The following VWA5B1 variants were observed in gnomAD, a reference collection of about 807,000 sequenced individuals.
VWA5B1 encodes von Willebrand factor A domain containing 5B1.
VWA5B1 carries 115 observed loss-of-function variants against 118.2 expected under a neutral mutation model. That is an observed-to-expected ratio of 0.97 (90% CI 0.84 to 1.14). The LOEUF (loss-of-function observed/expected upper bound fraction) is 1.14, where lower values mean the gene tolerates loss of function less well. Among genes scored for constraint, VWA5B1 ranks in the 50% most tolerant of loss-of-function variants. VWA5B1 has a pLI of 0.00. For missense variants in VWA5B1, 1,596 were observed against 1,603.8 expected (o/e 1.00, Z 0.08); for synonymous variants, 682 against 658.4 (o/e 1.04, Z -0.55).
chr1:20,338,989 G>A (rs1046883355), intron 14 of VWA5B1: 4 of 152,282 alleles, frequency 2.6e-5, no homozygotes, highest in Non-Finnish European at 5.9e-5. Flanking sequence ...GAGAGTTAGA[G>A]AGCCACAGCT....
At chr1:20,336,629 A>C in intron 13 of VWA5B1, 143 bp downstream of exon 13, 1 of 1,011,594 alleles carries the variant, frequency 9.9e-7, no homozygotes, top group East Asian at 3.2e-5. Context: ...GGAAATTGAG[A>C]CTTGGAGAAT....
chr1:20,333,402 G>A (rs1243187164), intron 12 of VWA5B1, among the ~76,000 whole-genome samples: 1 of 152,200 alleles, frequency 6.6e-6, no homozygotes, highest in Non-Finnish European at 1.5e-5. Flanking sequence ...ACTTGAACTC[G>A]GGAGGCGGAG....
At chr1:20,323,304 G>C in intron 7 of VWA5B1, 52 bp from the exon 8 acceptor site, 1 of 1,392,866 alleles carries the variant, frequency 7.2e-7, no homozygotes, top group Non-Finnish European at 9.4e-7. Context: ...TGAGTCCCCA[G>C]GAGTACCTCT....
rs941596550 is a variant in VWA5B1 at position 20,336,497 on chromosome 1, G to A, written c.1942+11G>A. 5.9e-6 allele frequency: 8 copies of A among 1,356,256 alleles called. No homozygotes were observed. Among genetic ancestry groups the A allele is most frequent in the South Asian group, 4.2e-5 (2 of 47,608 alleles). 84.0% of individuals were successfully genotyped at this position (1,356,256 alleles called of 1,614,324 possible). On this transcript the variant is annotated intron_variant, in intron 13 of 21. Coordinates refer to ENST00000289815, the MANE Select transcript of VWA5B1 (RefSeq NM_001039500.3). The stretch of plus-strand genomic sequence containing the variant: ...CTACCACCAAGCACGGTTCGTCTGC[G>A]GCTCTGATGATTGCTGCCTTACATT...
chr1:20,320,670 C>T (rs1449460764), intron 7 of VWA5B1, among the ~76,000 whole-genome samples: 4 of 152,202 alleles, frequency 2.6e-5, no homozygotes, highest in South Asian at 4.1e-4. Flanking sequence ...GCAAATAGCC[C>T]GTATTCTCAC....
chr1:20,358,117 C>T lies in VWA5B1; in HGVS notation c.*3854C>T, dbSNP rs1180670242. ...TTTCCAGCCGGCACCCATGTTTCCC[C>T]AGCCAGTCCCTTCTCTGCGGGCAAA... On this transcript the variant is annotated 3_prime_UTR_variant, in exon 22 of 22. Transcript: ENST00000289815. 6.6e-6 allele frequency among the ~76,000 whole-genome samples: 1 copy of T among 152,186 alleles called. No individual in the cohort carries two copies. Among genetic ancestry groups the T allele is most frequent in the Non-Finnish European group, 1.5e-5 (1 of 68,042 alleles).
chr1:20,350,447 C>T (rs891835538), intron 19 of VWA5B1, among the ~76,000 whole-genome samples: 1 of 152,184 alleles, frequency 6.6e-6, no homozygotes, highest in Non-Finnish European at 1.5e-5. Flanking sequence ...ACTCTGGTGA[C>T]AGAGCTGGGC....
At chr1:20,311,492 A>G (rs1018044588) in intron 2 of VWA5B1, among the ~76,000 whole-genome samples, 1 of 152,252 alleles carries the variant, frequency 6.6e-6, no homozygotes, top group African/African-American at 2.4e-5. Flanking sequence ...GTGGCGGAGC[A>G]GATGAGGTAA....
intron 1 of VWA5B1, among the ~76,000 whole-genome samples, chr1:20,301,016 C>A (rs1029300445): frequency 6.6e-6 from 1 of 152,248 alleles, no homozygotes; most frequent in African/African-American, 2.4e-5. Flanking sequence ...CACAAAGCCT[C>A]TCTGTGGAGG....
chr1:20,334,696 A>G (rs1441742353), intron 12 of VWA5B1, among the ~76,000 whole-genome samples: 1 of 152,092 alleles, frequency 6.6e-6, no homozygotes, highest in Non-Finnish European at 1.5e-5. Context: ...CTGCAACCCC[A>G]GCTACTCGGG....
chr1:20,299,604 A>G (rs2088469185), intron 1 of VWA5B1, among the ~76,000 whole-genome samples: 1 of 152,086 alleles, frequency 6.6e-6, no homozygotes, highest in African/African-American at 2.4e-5. Flanking sequence ...GGGTTTCACC[A>G]TGCTGGCCAG....
At position 20,312,934 on chromosome 1, in the gene VWA5B1, A is replaced by G. The variant is rs1423424534; in HGVS notation, c.238A>G (p.Lys80Glu). Reference protein sequence around the residue: ...VVTVQIKDKAKLESGHFDASH... With the variant: ...VVTVQIKDKAELESGHFDASH... Reference sequence around the variant, plus strand: ...GACAGTACAGATCAAGGACAAAGCCAAGCTGGAGAGCGGCCACTTCGATGC... The same window carrying G: ...GACAGTACAGATCAAGGACAAAGCCGAGCTGGAGAGCGGCCACTTCGATGC... Residue 80 changes from lysine to glutamate, a missense_variant, in exon 3 of 22, where the codon AAG becomes GAG. Transcript: ENST00000289815. 1 of 1,551,566 alleles carries G rather than the reference A, an allele frequency of 6.4e-7. No individual in the cohort carries two copies. Among genetic ancestry groups the G allele is most frequent in the Non-Finnish European group, 8.7e-7 (1 of 1,147,004 alleles).
intron 16 of VWA5B1, among the ~76,000 whole-genome samples, chr1:20,344,985 T>C (rs1213728454): frequency 6.6e-6 from 1 of 152,190 alleles, no homozygotes; most frequent in Non-Finnish European, 1.5e-5. Context: ...CCTAACTTGC[T>C]GTGTGACCCT....
intron 13 of VWA5B1, among the ~76,000 whole-genome samples, chr1:20,336,749 C>T (rs753367318): frequency 1.3e-5 from 2 of 152,128 alleles, no homozygotes; most frequent in African/African-American, 4.8e-5. Context: ...TCAAAGGGTA[C>T]TTATCGATTC....
chr1:20,320,902 G>A (rs111449320), intron 7 of VWA5B1, among the ~76,000 whole-genome samples: 3 of 152,236 alleles, frequency 2.0e-5, no homozygotes, highest in African/African-American at 7.2e-5. Flanking sequence ...CGTCTGGGCT[G>A]TGGCCTCTGG....
At chr1:20,294,128 G>A (rs924837796) in intron 1 of VWA5B1, 1 of 152,232 alleles carries the variant, frequency 6.6e-6, no homozygotes, top group African/African-American at 2.4e-5. Flanking sequence ...CAAGTGGGGA[G>A]ACCAGTGGTC....
chr1:20,327,397 T>G (rs1296604310), intron 8 of VWA5B1, among the ~76,000 whole-genome samples: 1 of 152,132 alleles, frequency 6.6e-6, no homozygotes, highest in East Asian at 1.9e-4. Flanking sequence ...TCCTTAGTGA[T>G]GGTTAGGTTG....
rs567502130 is a variant in VWA5B1 at position 20,320,638 on chromosome 1, C to T, written c.966+1132C>T. On this transcript the variant is annotated intron_variant, in intron 7 of 21. Coordinates refer to ENST00000289815, the MANE Select transcript of VWA5B1 (RefSeq NM_001039500.3). Reference sequence around the variant, plus strand: ...GATGGCGGAAGCAAATGAGAATTAACTTGCCACCTTGGGGTGGTTATGCAA... The same window carrying T: ...GATGGCGGAAGCAAATGAGAATTAATTTGCCACCTTGGGGTGGTTATGCAA... Among the ~76,000 whole-genome samples, 18 of 152,372 alleles carry T rather than the reference C, an allele frequency of 1.2e-4. No homozygotes were observed. In the South Asian group the frequency reaches 3.7e-3, roughly 32 times the overall value.
chr1:20,332,811 G>T lies in VWA5B1; in HGVS notation c.1618G>T (p.Val540Leu), dbSNP rs549173337. The change falls in exon 12 of 22, where the codon GTG (valine) becomes TTG (leucine). Residue 540 changes from valine to leucine, a missense_variant. Coordinates refer to ENST00000289815, the MANE Select transcript of VWA5B1 (RefSeq NM_001039500.3). The part of the protein sequence containing the change: ...KKAMAPVLSD[V>L]TVEWIFPETT... ...GGCCATGGCCCCAGTCCTGAGCGATGTGACTGTGGAGTGGATCTTCCCTGA... is the reference window on the plus strand; with the variant it reads ...GGCCATGGCCCCAGTCCTGAGCGATTTGACTGTGGAGTGGATCTTCCCTGA... 79 of 1,551,832 alleles carry T rather than the reference G, an allele frequency of 5.1e-5. 2 individuals are homozygous for T. In the South Asian group the frequency reaches 8.9e-4, roughly 18 times the overall value.
Sources: allele counts gnomAD v4.1 joint callset (sites outside exome capture counted in the v4.1 genomes callset), GRCh38; gene constraint gnomAD v4.1.1; transcripts MANE v1.5; gene names NCBI Gene and HGNC (gene_info 2026-07-23, HGNC 2026-07-21).